The following OR3A2 variants were observed in gnomAD, a reference collection of about 807,000 sequenced individuals.
OR3A2 encodes olfactory receptor 3A2.
For missense variants in OR3A2, 318 were observed against 392.8 expected (o/e 0.81, Z 1.61); for synonymous variants, 126 against 159.3 (o/e 0.79, Z 1.57).
chr17:3,360,985 T>C (rs1280008559), intron 2 of OR3A2, among the ~76,000 whole-genome samples: 1 of 151,504 alleles, frequency 6.6e-6, no homozygotes, highest in Non-Finnish European at 1.5e-5. Flanking sequence ...GGGGATGGCA[T>C]TGAATCTATA....
rs747975367 is a variant in OR3A2, at chr17:3,311,122, C to G, written c.-85+24911G>C. On this transcript the variant is annotated intron_variant, in intron 3 of 4. Coordinates refer to the OR3A2 transcript ENST00000573491. The surrounding 1 kb of genome is among the most constrained non-coding windows in gnomAD (Gnocchi z 4.6). ...ACAAGGCTGGGTTCAGTGGAGTCTT[C>G]GGACAAGGACAAGGGCATTGGCATC... 1.8e-6 allele frequency: 1 copy of G among 541,404 alleles called. No individual in the cohort carries two copies. The highest frequency in any genetic ancestry group is 1.9e-5 in the African/African-American group (1 of 52,020). The allele number at this position is 541,404 out of a possible 1,614,324, so 33.5% of individuals were successfully genotyped here.
exon 2 of OR3A2, chr17:3,277,943 G>C: frequency 1.9e-6 from 3 of 1,556,406 alleles, no homozygotes; most frequent in Non-Finnish European, 2.6e-6. Flanking sequence ...TCCAGAAAAG[G>C]CAGGAAAGGA....
chr17:3,326,494 A>G (rs1000703534), intron 3 of OR3A2, among the ~76,000 whole-genome samples: 1 of 151,944 alleles, frequency 6.6e-6, no homozygotes, highest in Non-Finnish European at 1.5e-5. Context: ...TTTAATATGG[A>G]CATTTATCAG....
chr17:3,324,987 C>T (rs2049158585), intron 3 of OR3A2, among the ~76,000 whole-genome samples: 1 of 152,068 alleles, frequency 6.6e-6, no homozygotes. Flanking sequence ...AGCATATGCA[C>T]ATTTTACTTT....
chr17:3,378,592 C>T (rs898100405), intron 2 of OR3A2, among the ~76,000 whole-genome samples: 3 of 152,038 alleles, frequency 2.0e-5, no homozygotes, highest in Non-Finnish European at 4.4e-5. Flanking sequence ...CCCACCTCTT[C>T]CCAGCCCCTG....
intron 3 of OR3A2, among the ~76,000 whole-genome samples, chr17:3,325,424 G>C (rs2049163591): frequency 1.3e-5 from 2 of 151,682 alleles, no homozygotes; most frequent in African/African-American, 4.9e-5. Context: ...TGGCCAGGCT[G>C]GTCTCAAACT....
intron 2 of OR3A2, among the ~76,000 whole-genome samples, chr17:3,352,901 T>G (rs2049431892): frequency 6.6e-6 from 1 of 151,990 alleles, no homozygotes; most frequent in Non-Finnish European, 1.5e-5. Context: ...TTTCCATTTC[T>G]GGTGTCCTGT....
intron 2 of OR3A2, among the ~76,000 whole-genome samples, chr17:3,349,636 C>G (rs1055256802): frequency 3.3e-5 from 5 of 151,700 alleles, no homozygotes; most frequent in African/African-American, 1.2e-4. Flanking sequence ...GACAGAAAGT[C>G]AACAAGGATA....
upstream of OR3A2, among the ~76,000 whole-genome samples, chr17:3,286,382 G>A (rs868398353): frequency 4.8e-4 from 73 of 152,116 alleles, no homozygotes; most frequent in African/African-American, 1.7e-3. Context: ...ACATACATGT[G>A]CATGTGTCTT....
In OR3A2 at chr17:3,311,369, C is replaced by A; in HGVS notation, c.-85+24664G>T. Reference sequence around the variant, plus strand: ...GCCATGGCCTATGACCGCTACCTGGCTATCTGTCAGCTTCTCACCAACAGC... The same window carrying A: ...GCCATGGCCTATGACCGCTACCTGGATATCTGTCAGCTTCTCACCAACAGC... On this transcript the variant is annotated intron_variant, in intron 3 of 4. Coordinates refer to the OR3A2 transcript ENST00000573491. This position sits in a 1 kb window ranked among gnomAD's most constrained non-coding sequence, Gnocchi z 4.6. 2 of 525,502 alleles carry A rather than the reference C, an allele frequency of 3.8e-6. No individual in the cohort carries two copies. Among genetic ancestry groups the A allele is most frequent in the Non-Finnish European group, 7.9e-6 (2 of 253,486 alleles). The allele number at this position is 525,502 out of a possible 1,614,324, so 32.6% of individuals were successfully genotyped here. A position where few individuals can be genotyped will look rare whatever the true frequency, so the allele number is the denominator to read the frequency against.
intron 3 of OR3A2, chr17:3,292,645 C>A: frequency 7.1e-7 from 1 of 1,412,814 alleles, no homozygotes; most frequent in East Asian, 2.3e-5. Flanking sequence ...TTTATTTACT[C>A]AAGAAAAAGA....
At chr17:3,315,870 A>T (rs1449938544) in intron 3 of OR3A2, among the ~76,000 whole-genome samples, 1 of 151,744 alleles carries the variant, frequency 6.6e-6, no homozygotes. Context: ...TGTCCCATCT[A>T]TCCAACACAA....
intron 3 of OR3A2, among the ~76,000 whole-genome samples, chr17:3,319,572 G>A (rs548132724): frequency 1.1e-4 from 17 of 151,912 alleles, no homozygotes; most frequent in Non-Finnish European, 2.2e-4. Context: ...TTCCCCTTCC[G>A]GGTCCATGTG....
chr17:3,339,275 A>G lies in OR3A2; in HGVS notation c.-178-3149T>C, dbSNP rs112406656. 9.1e-3 allele frequency among the ~76,000 whole-genome samples: 1,385 copies of G among 152,270 alleles called. 25 individuals carry two copies. Among genetic ancestry groups the G allele is most frequent in the African/African-American group, 0.031 (1,299 of 41,546 alleles). On this transcript the variant is annotated intron_variant, in intron 2 of 4. Coordinates refer to the OR3A2 transcript ENST00000573491. Reference sequence around the variant, plus strand: ...ACACTTTATTTCTTTCTCCTGCCTGACTGCCCTAGCAAAGAACTTTCAACA... The same window carrying G: ...ACACTTTATTTCTTTCTCCTGCCTGGCTGCCCTAGCAAAGAACTTTCAACA...
intron 2 of OR3A2, among the ~76,000 whole-genome samples, chr17:3,355,463 T>TC (rs2049459383): frequency 9.2e-6 from 1 of 109,194 alleles, no homozygotes; most frequent in Admixed American, 9.5e-5. Flanking sequence ...TCTCTCTCTT[T>TC]AGCTCTAATA....
intron 2 of OR3A2, among the ~76,000 whole-genome samples, chr17:3,352,261 GATCTC>G (rs143749121): frequency 0.15 from 22,866 of 151,674 alleles, 2,252 homozygotes; most frequent in African/African-American, 0.28. Flanking sequence ...AACTTGATGT[GATCTC>G]ATTTGTCCAT....
intron 2 of OR3A2, among the ~76,000 whole-genome samples, chr17:3,344,995 C>T (rs1274902536): frequency 1.3e-5 from 2 of 152,118 alleles, no homozygotes; most frequent in African/African-American, 4.8e-5. Flanking sequence ...CTGTGTTGGC[C>T]TCATCCTCAA....
At chr17:3,316,781 A>G (rs1005904685) in intron 3 of OR3A2, among the ~76,000 whole-genome samples, 1 of 152,230 alleles carries the variant, frequency 6.6e-6, no homozygotes, top group African/African-American at 2.4e-5. Flanking sequence ...AAAGAATTCA[A>G]AACTAAACAG....
chr17:3,277,072 C>T (rs1302355708), downstream of OR3A2: 1 of 150,480 alleles, frequency 6.6e-6, no homozygotes, highest in Non-Finnish European at 1.5e-5. Context: ...TACAGGCGCC[C>T]ACCACTACAC....
Sources: allele counts gnomAD v4.1 joint callset (sites outside exome capture counted in the v4.1 genomes callset), GRCh38; gene constraint gnomAD v4.1.1; non-coding constraint Gnocchi (gnomAD v3.1); transcripts MANE v1.5; gene names NCBI Gene and HGNC (gene_info 2026-07-23, HGNC 2026-07-21).